The following KIAA1671 variants were observed in gnomAD, a reference collection of about 807,000 sequenced individuals.
KIAA1671 encodes uncharacterized protein KIAA1671.
A neutral mutation model predicts 131.2 loss-of-function variants in KIAA1671; 52 were observed. That is an observed-to-expected ratio of 0.40 (90% CI 0.32 to 0.50). The LOEUF is 0.50. Ranked by LOEUF, KIAA1671 falls within the 20% of genes least tolerant of loss-of-function variation. The pLI is 0.73. For synonymous variants in KIAA1671, 1,003 were observed against 961.6 expected (o/e 1.04, Z -0.80); for missense variants, 2,360 against 2,364.2 (o/e 1.00, Z 0.04).
chr22:25,068,191 G>GCCGGCCTT (rs1928589371), intron 6 of KIAA1671, among the ~76,000 whole-genome samples: 1 of 148,032 alleles, frequency 6.8e-6, no homozygotes, highest in Non-Finnish European at 1.5e-5. Flanking sequence ...AGGGAGCAGG[G>GCCGGCCTT]CCAGCCTTCC....
chr22:24,996,071 A>G (rs1232540952), intron 1 of KIAA1671, among the ~76,000 whole-genome samples: 1 of 152,244 alleles, frequency 6.6e-6, no homozygotes, highest in African/African-American at 2.4e-5. Context: ...GTTCATCTGA[A>G]TGCAGGAGAG....
At position 25,193,735 on chromosome 22, in the gene KIAA1671, C is replaced by T. The variant is rs528712775; in HGVS notation, c.*1334C>T. The T allele has an allele frequency of 2.6e-4, 39 of 152,330 alleles. No individual in the cohort carries two copies. Among genetic ancestry groups the T allele is most frequent in the African/African-American group, 9.4e-4 (39 of 41,558 alleles). 9.4% of individuals were successfully genotyped at this position (152,330 alleles called of 1,614,324 possible). A position where few individuals can be genotyped will look rare whatever the true frequency, so the allele number is the denominator to read the frequency against. On this transcript the variant is annotated 3_prime_UTR_variant, in exon 13 of 13. Coordinates refer to ENST00000358431, the MANE Select transcript of KIAA1671 (RefSeq NM_001145206.2). ...CCCTGGTGAGGCAGTTGCTGTTCAG[C>T]ACCAGGGACAGCAACTGCAGGGCTG...
intron 11 of KIAA1671, among the ~76,000 whole-genome samples, chr22:25,189,659 A>G (rs1054004657): frequency 1.3e-5 from 2 of 152,248 alleles, no homozygotes; most frequent in Admixed American, 1.3e-4. Context: ...GTTTAAGTTG[A>G]TGCATAAAAC....
At chr22:25,121,050 A>G (rs1931915971) in intron 6 of KIAA1671, among the ~76,000 whole-genome samples, 1 of 152,150 alleles carries the variant, frequency 6.6e-6, no homozygotes, top group African/African-American at 2.4e-5. Context: ...CTAATCTCAG[A>G]TGTTTTGTTC....
intron 6 of KIAA1671, among the ~76,000 whole-genome samples, chr22:25,075,328 A>C (rs2145856015): frequency 6.6e-6 from 1 of 152,230 alleles, no homozygotes; most frequent in Non-Finnish European, 1.5e-5. Flanking sequence ...CCAAAGTGTC[A>C]ATTGTGACAA....
intron 5 of KIAA1671, among the ~76,000 whole-genome samples, chr22:25,046,885 G>A (rs953340157): frequency 6.6e-6 from 1 of 151,926 alleles, no homozygotes; most frequent in African/African-American, 2.4e-5. Flanking sequence ...AGTTATGAAG[G>A]CTCCCCAGGG....
At chr22:25,142,305 G>A (rs948053978) in intron 6 of KIAA1671, among the ~76,000 whole-genome samples, 1 of 152,166 alleles carries the variant, frequency 6.6e-6, no homozygotes, top group South Asian at 2.1e-4. Flanking sequence ...TACACGAGAA[G>A]GGGAAAATCA....
At chr22:25,041,588 G>A in intron 5 of KIAA1671, 63 bp downstream of exon 5, 2 of 1,443,216 alleles carry the variant, frequency 1.4e-6, no homozygotes, top group Non-Finnish European at 1.8e-6. Context: ...CTAGGGGGCC[G>A]AAACTCAGAT....
At chr22:24,963,241 G>A (rs1039230719) in intron 1 of KIAA1671, among the ~76,000 whole-genome samples, 1 of 151,680 alleles carries the variant, frequency 6.6e-6, no homozygotes, top group African/African-American at 2.4e-5. Context: ...GCGGACACCT[G>A]TAATTCCAGC....
intron 1 of KIAA1671, among the ~76,000 whole-genome samples, chr22:24,981,662 G>A (rs759332288): frequency 2.6e-5 from 4 of 152,164 alleles, no homozygotes; most frequent in Non-Finnish European, 4.4e-5. Context: ...TAATCCCAGC[G>A]CTTTGGGAGG....
At position 25,029,002 on chromosome 22, in the gene KIAA1671, G is replaced by A; in HGVS notation, c.1003G>A (p.Ala335Thr). 6.6e-7 allele frequency: 1 copy of A among 1,511,874 alleles called. No individual in the cohort carries two copies. Among genetic ancestry groups the A allele is most frequent in the Middle Eastern group, 1.7e-4 (1 of 5,778 alleles). The allele number at this position is 1,511,874 out of a possible 1,614,324, so 93.7% of individuals were successfully genotyped here. A position where few individuals can be genotyped will look rare whatever the true frequency, so the allele number is the denominator to read the frequency against. ...CAGGGACTGTTTGGTCAAGGCGGAG[G>A]CTCCTCTTCATGATCCTGATTTGGA... ...LDRDCLVKAEAPLHDPDLDFL... is the reference protein window; with the variant it reads ...LDRDCLVKAETPLHDPDLDFL... Residue 335 changes from alanine (A) to threonine (T), a missense_variant, in exon 3 of 13, where the codon GCT becomes ACT. Transcript: ENST00000358431.
intron 1 of KIAA1671, among the ~76,000 whole-genome samples, chr22:24,967,236 C>CAAGA (rs1375446999): frequency 3.9e-5 from 6 of 152,198 alleles, no homozygotes; most frequent in Admixed American, 3.9e-4. Context: ...TAGGGAGGTA[C>CAAGA]TGTTAGGTGC....
chr22:25,095,888 C>G (rs1483749562), intron 6 of KIAA1671, among the ~76,000 whole-genome samples: 4 of 152,170 alleles, frequency 2.6e-5, no homozygotes, highest in African/African-American at 9.7e-5. Context: ...CTTCTGTAGC[C>G]AAGATAAAAA....
chr22:25,158,086 C>T (rs1305806090), intron 6 of KIAA1671, among the ~76,000 whole-genome samples: 1 of 152,266 alleles, frequency 6.6e-6, no homozygotes, highest in South Asian at 2.1e-4. Flanking sequence ...CTCCCAAAGT[C>T]CTGGGATTAC....
At chr22:25,111,801 G>T (rs1386432951) in intron 6 of KIAA1671, 1 of 92,008 alleles carries the variant, frequency 1.1e-5, no homozygotes, top group Admixed American at 1.6e-4. Context: ...TTTCGGGACC[G>T]TCACGCCCTG....
chr22:25,012,721 C>T (rs1925104180), intron 1 of KIAA1671: 1 of 152,194 alleles, frequency 6.6e-6, no homozygotes, highest in Non-Finnish European at 1.5e-5. Flanking sequence ...GCTACTACAA[C>T]AGCTAATAGT....
intron 6 of KIAA1671, among the ~76,000 whole-genome samples, chr22:25,125,843 A>G (rs1335575785): frequency 1.3e-5 from 2 of 152,238 alleles, no homozygotes; most frequent in Non-Finnish European, 2.9e-5. Context: ...GCCTTACCCA[A>G]CAGATTCTGG....
intron 6 of KIAA1671, among the ~76,000 whole-genome samples, chr22:25,125,265 T>G (rs1184028417): frequency 1.3e-5 from 2 of 152,074 alleles, no homozygotes; most frequent in Non-Finnish European, 2.9e-5. Flanking sequence ...GCTTAAAGAG[T>G]AACATATTTT....
chr22:25,183,912 G>A lies in KIAA1671; in HGVS notation c.5200-1065G>A, dbSNP rs180722752. On this transcript the variant is annotated intron_variant, in intron 10 of 12. Transcript: ENST00000358431. ...AAATGATCTTATAAGGTAGCCTAAC[G>A]CAGGAGGCAGACAGCCACAGGCCCT... Among the ~76,000 whole-genome samples, 290 of 149,934 alleles carry A rather than the reference G, an allele frequency of 1.9e-3. 1 individual carries two copies. Among genetic ancestry groups the A allele is most frequent in the African/African-American group, 6.7e-3 (276 of 40,942 alleles).
Sources: gnomAD v4.1 joint callset for allele counts (sites outside exome capture counted in the v4.1 genomes callset) on GRCh38, gnomAD v4.1.1 for gene constraint, MANE v1.5 for transcripts, NCBI Gene and HGNC (gene_info 2026-07-23, HGNC 2026-07-21) for gene names.